CDC42BPA: variants seen among roughly 807,000 people sequenced by gnomAD.
The protein encoded by CDC42BPA is serine/threonine-protein kinase MRCK alpha.
A neutral mutation model predicts 223.5 loss-of-function variants in CDC42BPA; 80 were observed. That is an observed-to-expected ratio of 0.36 (90% CI 0.30 to 0.43). The LOEUF (loss-of-function observed/expected upper bound fraction) is 0.43, where lower values mean the gene tolerates loss of function less well. Ranked by LOEUF, CDC42BPA falls within the 20% of genes least tolerant of loss-of-function variation. The probability of loss-of-function intolerance (pLI) is 1.00; values close to 1 mark genes in which losing one functional copy is unlikely to be tolerated. For synonymous variants in CDC42BPA, 694 were observed against 718.6 expected (o/e 0.97, Z 0.55); for missense variants, 1,743 against 2,099.9 (o/e 0.83, Z 3.32).
chr1:227,055,031 G>A (rs192802807), intron 21 of CDC42BPA, among the ~76,000 whole-genome samples: 56 of 151,934 alleles, frequency 3.7e-4, no homozygotes, highest in Middle Eastern at 6.8e-3. Flanking sequence ...TATAGTGATA[G>A]TCATATCTTT....
intron 1 of CDC42BPA, among the ~76,000 whole-genome samples, chr1:227,258,176 GAAAAAAAA>G (rs60156840): frequency 1.8e-5 from 2 of 108,110 alleles, no homozygotes; most frequent in African/African-American, 7.5e-5. Flanking sequence ...CCCTGTCCGG[GAAAAAAAA>G]AAAAAAAAAA....
chr1:227,182,714 G>C (rs1668139466), intron 5 of CDC42BPA, among the ~76,000 whole-genome samples: 1 of 152,282 alleles, frequency 6.6e-6, no homozygotes, highest in East Asian at 1.9e-4. Flanking sequence ...GTAAAGTATT[G>C]TATCTGGGTG....
At chr1:226,999,021 C>A (rs778460923) in intron 35 of CDC42BPA, among the ~76,000 whole-genome samples, 1 of 151,948 alleles carries the variant, frequency 6.6e-6, no homozygotes, top group African/African-American at 2.4e-5. Context: ...GACATTTATG[C>A]GGCCAAGAAA....
At position 227,035,512 on chromosome 1, in the gene CDC42BPA, G is replaced by A. The variant is rs1198540235; in HGVS notation, c.3295C>T (p.Pro1099Ser). The change falls in exon 25 of 37, where the codon CCT becomes TCT. Residue 1099 changes from proline to serine, a missense_variant. By Grantham distance (74) the Pro-to-Ser change is moderately conservative (BLOSUM62 -1). Transcript: ENST00000366766. The stretch of plus-strand genomic sequence containing the variant: ...TATGCTGTTCCTATTCCTTTCTGAG[G>A]ATCTATACCCAGGGGACCTTTTGTC... ...EQTKGPLGID[P>S]QKGIGTAYEG... The A allele has an allele frequency of 1.9e-6, 3 of 1,610,854 alleles. No individual in the cohort carries two copies. Among genetic ancestry groups the A allele is most frequent in the Non-Finnish European group, 2.5e-6 (3 of 1,178,900 alleles).
chr1:227,081,705 C>T (rs1416820768), intron 16 of CDC42BPA, among the ~76,000 whole-genome samples: 2 of 152,048 alleles, frequency 1.3e-5, no homozygotes, highest in African/African-American at 2.4e-5. Flanking sequence ...AAGCCCACCT[C>T]GGCCTCCCAA....
At chr1:227,163,921 T>C (rs1212698473) in intron 5 of CDC42BPA, among the ~76,000 whole-genome samples, 1 of 152,134 alleles carries the variant, frequency 6.6e-6, no homozygotes, top group African/African-American at 2.4e-5. Flanking sequence ...TAAAGGGCAG[T>C]TACATTTCTT....
At chr1:227,014,181 A>T (rs1171773869) in intron 34 of CDC42BPA, among the ~76,000 whole-genome samples, 7 of 151,820 alleles carry the variant, frequency 4.6e-5, no homozygotes, top group African/African-American at 1.5e-4. Flanking sequence ...AAAAGGTTGA[A>T]AAAAAAATAG....
At chr1:227,177,341 C>T (rs1667141935) in intron 5 of CDC42BPA, among the ~76,000 whole-genome samples, 3 of 152,118 alleles carry the variant, frequency 2.0e-5, no homozygotes, top group Admixed American at 1.3e-4. Flanking sequence ...CTCACCCCCA[C>T]TTCATTACTG....
intron 10 of CDC42BPA, among the ~76,000 whole-genome samples, chr1:227,136,281 G>C (rs1051772429): frequency 1.3e-5 from 2 of 152,034 alleles, no homozygotes; most frequent in Non-Finnish European, 2.9e-5. Context: ...ACAGCAAAAT[G>C]GATAAAGCAG....
intron 1 of CDC42BPA, among the ~76,000 whole-genome samples, chr1:227,312,749 G>A (rs983068277): frequency 2.0e-5 from 3 of 152,010 alleles, no homozygotes; most frequent in African/African-American, 7.3e-5. Context: ...GTTGGAGGAG[G>A]GACCTGGCGG....
In CDC42BPA at chr1:227,317,342, G is replaced by A; in HGVS notation, c.-160C>T. The A allele has an allele frequency of 1.5e-6, 1 of 648,948 alleles. No individual in the cohort carries two copies. Among genetic ancestry groups the A allele is most frequent in the East Asian group, 2.8e-5 (1 of 35,228 alleles). The allele number at this position is 648,948 out of a possible 1,614,324, so 40.2% of individuals were successfully genotyped here. A position where few individuals can be genotyped will look rare whatever the true frequency, so the allele number is the denominator to read the frequency against. On this transcript the variant is annotated 5_prime_UTR_variant, in exon 1 of 37. Coordinates refer to ENST00000366766, the MANE Select transcript of CDC42BPA (RefSeq NM_001394014.1). ...GCTGAATTAAACATCCAACACACCA[G>A]TAACCTCACTTAACTGAAGCGTCTT...
At chr1:227,277,962 G>A (rs896049715) in intron 1 of CDC42BPA, among the ~76,000 whole-genome samples, 8 of 152,164 alleles carry the variant, frequency 5.3e-5, no homozygotes, top group Admixed American at 2.0e-4. Context: ...TATTAGCCAG[G>A]ATGGTCTCAA....
In CDC42BPA at chr1:227,318,482, G is replaced by C. The variant is rs1430615888; in HGVS notation, c.-1300C>G. 6.6e-6 allele frequency: 1 copy of C among 152,268 alleles called. No homozygotes were observed. The highest frequency in any genetic ancestry group is 1.5e-5 in the Non-Finnish European group (1 of 68,248). The allele number at this position is 152,268 out of a possible 1,614,324, so 9.4% of individuals were successfully genotyped here. A position where few individuals can be genotyped will look rare whatever the true frequency, so the allele number is the denominator to read the frequency against. ...GAGGCGGAGGCTTGCGGACGAGTCT[G>C]GATCCAATATGGCGGCCTGGCCCCC... is the stretch of plus-strand genomic sequence containing the variant. On this transcript the variant is annotated 5_prime_UTR_variant, in exon 1 of 37. Coordinates refer to ENST00000366766, the MANE Select transcript of CDC42BPA (RefSeq NM_001394014.1).
At chr1:227,026,738 T>A (rs1668335104) in intron 30 of CDC42BPA, among the ~76,000 whole-genome samples, 1 of 152,190 alleles carries the variant, frequency 6.6e-6, no homozygotes. Flanking sequence ...ACTCTGACTC[T>A]ACATTAGAAT....
At chr1:226,995,185 C>T (rs1661372197) in intron 35 of CDC42BPA, among the ~76,000 whole-genome samples, 1 of 152,214 alleles carries the variant, frequency 6.6e-6, no homozygotes, top group African/African-American at 2.4e-5. Flanking sequence ...TCCACCCCAG[C>T]CACGGGGACT....
At chr1:227,104,720 A>G (rs186163211) in intron 14 of CDC42BPA, among the ~76,000 whole-genome samples, 1 of 152,260 alleles carries the variant, frequency 6.6e-6, no homozygotes, top group African/African-American at 2.4e-5. Context: ...CGTCCTTATA[A>G]AAGGAGAAAT....
At chr1:227,172,771 A>G (rs1296601144) in intron 5 of CDC42BPA, among the ~76,000 whole-genome samples, 1 of 152,200 alleles carries the variant, frequency 6.6e-6, no homozygotes, top group Non-Finnish European at 1.5e-5. Context: ...TAAGCTAAAA[A>G]AAAATCATCT....
At chr1:227,008,465 T>G (rs1417922432) in intron 34 of CDC42BPA, among the ~76,000 whole-genome samples, 1 of 152,060 alleles carries the variant, frequency 6.6e-6, no homozygotes. Flanking sequence ...AATAAAGAAA[T>G]GTACTAATGT....
chr1:227,008,777 CTGCCATCTACA>C (rs1291947468), intron 34 of CDC42BPA, among the ~76,000 whole-genome samples: 24 of 152,316 alleles, frequency 1.6e-4, no homozygotes, highest in Non-Finnish European at 8.8e-5. Context: ...AATTTAACTG[CTGCCATCTACA>C]TGCCATCTAC....
Sources: gnomAD v4.1 joint callset for allele counts (sites outside exome capture counted in the v4.1 genomes callset) on GRCh38, gnomAD v4.1.1 for gene constraint, MANE v1.5 for transcripts, NCBI Gene and HGNC (gene_info 2026-07-23, HGNC 2026-07-21) for gene names.